The following ZNF620 variants were observed in gnomAD, a reference collection of about 807,000 sequenced individuals.
The protein encoded by ZNF620 is zinc finger protein 620.
ZNF620 carries 10 observed loss-of-function variants against 13.3 expected under a neutral mutation model. That is an observed-to-expected ratio of 0.75 (90% CI 0.46 to 1.28). The LOEUF is 1.28. ZNF620 is among the 50% of genes most tolerant of loss of function. The pLI is 0.00. For synonymous variants in ZNF620, 166 were observed against 177.6 expected, an observed-to-expected ratio of 0.93 and a Z score of 0.52; for missense variants, 461 against 500.2, an observed-to-expected ratio of 0.92 and a Z score of 0.75.
intron 3 of ZNF620, among the ~76,000 whole-genome samples, chr3:40,511,924 C>G (rs1698214438): frequency 6.6e-6 from 1 of 152,136 alleles, no homozygotes; most frequent in Non-Finnish European, 1.5e-5. Context: ...TCAAGCGATC[C>G]TCCTGCCTCA....
At chr3:40,510,597 G>A (rs975101031) in intron 2 of ZNF620, among the ~76,000 whole-genome samples, 1 of 152,176 alleles carries the variant, frequency 6.6e-6, no homozygotes, top group Middle Eastern at 3.2e-3. Flanking sequence ...CTCATCCTTA[G>A]TTCTGTGGTG....
chr3:40,514,717 A>G (rs1698318582), intron 4 of ZNF620, among the ~76,000 whole-genome samples: 1 of 152,176 alleles, frequency 6.6e-6, no homozygotes, highest in Non-Finnish European at 1.5e-5. Flanking sequence ...GGTTGCAGTG[A>G]GCCAAGATTG....
rs375417538 is a variant in ZNF620, at chr3:40,516,527, C to A, written c.933C>A (p.Asn311Lys). The A allele has an allele frequency of 1.9e-6, 3 of 1,613,690 alleles. No homozygotes were observed. Among genetic ancestry groups the A allele is most frequent in the Non-Finnish European group, 2.5e-6 (3 of 1,179,948 alleles). ...CTGGGGAGAAGCTCTATGAATGTAA[C>A]GAATGTTGGAAAACTTTCAGTTGCA... ...FHTGEKLYEC[N>K]ECWKTFSCSS... is the part of the protein sequence containing the mutation. Residue 311 changes from asparagine to lysine, a missense_variant, in exon 5 of 5, where the codon AAC becomes AAA. By Grantham distance (94) the Asn-to-Lys change is moderately conservative (BLOSUM62 0). Coordinates refer to ENST00000314529, the MANE Select transcript of ZNF620 (RefSeq NM_175888.4).
intron 2 of ZNF620, among the ~76,000 whole-genome samples, chr3:40,507,020 G>C (rs1698043282): frequency 6.7e-6 from 1 of 149,800 alleles, no homozygotes; most frequent in Non-Finnish European, 1.5e-5. Context: ...ACTTTGGTGA[G>C]AGTTTTTATA....
Position 40,506,383 on chromosome 3 carries a change from G to A in ZNF620, c.24+7G>A. 1 of 1,613,634 alleles carries A rather than the reference G, an allele frequency of 6.2e-7. No individual in the cohort carries two copies. On this transcript the variant is annotated splice_region_variant and intron_variant, in intron 2 of 4. Transcript: ENST00000314529. ...CCAGACCGCTTGGCGCCAGGTGAGTGAGCATCCTCTCCCTCCCTCCCACCC... is the reference window on the plus strand; with the variant it reads ...CCAGACCGCTTGGCGCCAGGTGAGTAAGCATCCTCTCCCTCCCTCCCACCC...
chr3:40,511,576 A>G lies in ZNF620; in HGVS notation c.131A>G (p.Tyr44Cys). ...ALYREVMLEN[Y>C]ANVASLAFPF... ...TACAGGGAAGTGATGCTGGAGAATT[A>G]TGCAAATGTGGCTTCCCTGGGTAAG... Residue 44 changes from tyrosine to cysteine, a missense_variant, in exon 3 of 5, where the codon TAT becomes TGT. Physicochemically the swap from Tyr to Cys is radical, Grantham distance 194. Coordinates refer to ENST00000314529, the MANE Select transcript of ZNF620 (RefSeq NM_175888.4). The G allele has an allele frequency of 6.2e-7, 1 of 1,613,250 alleles. No homozygotes were observed. Among genetic ancestry groups the G allele is most frequent in the Non-Finnish European group, 8.5e-7 (1 of 1,179,634 alleles).
chr3:40,509,440 C>T (rs956914490), intron 2 of ZNF620, among the ~76,000 whole-genome samples: 3 of 152,188 alleles, frequency 2.0e-5, no homozygotes, highest in Admixed American at 6.6e-5. Context: ...TCATGTTGGC[C>T]AGGCTGGTCT....
intron 2 of ZNF620, among the ~76,000 whole-genome samples, chr3:40,507,921 G>A (rs568824089): frequency 2.6e-5 from 4 of 152,130 alleles, no homozygotes; most frequent in South Asian, 4.1e-4. Flanking sequence ...GCATCACTAC[G>A]CCCAGCTTAA....
In ZNF620 at chr3:40,515,936, G is replaced by A. The variant is rs1698364034; in HGVS notation, c.342G>A (p.Leu114=). The A allele has an allele frequency of 6.2e-7, 1 of 1,613,984 alleles. No individual in the cohort carries two copies. Among genetic ancestry groups the A allele is most frequent in the Non-Finnish European group, 8.5e-7 (1 of 1,180,026 alleles). The change falls in exon 5 of 5, where the codon CTG becomes CTA. Residue 114 remains leucine, a synonymous_variant. Transcript: ENST00000314529. ...HVSKETESFR[L]MVGGLPGNVS... is the part of the protein sequence containing the mutation. ...CCAAAGAAACAGAGTCCTTCAGACTGATGGTGGGGGGCCTGCCAGGGAATG... is the reference window on the plus strand; with the variant it reads ...CCAAAGAAACAGAGTCCTTCAGACTAATGGTGGGGGGCCTGCCAGGGAATG...
intron 2 of ZNF620, chr3:40,508,630 C>CT (rs770458358): frequency 0.052 from 16,974 of 323,686 alleles, no homozygotes; most frequent in South Asian, 0.09. Flanking sequence ...GCCACTGCAG[C>CT]TTTTTTTTTT....
rs367583735 is a variant in ZNF620 at position 40,512,562 on chromosome 3, C to T, written c.265+47C>T. ...CTGCCTTTTTGGCTTGGCTTGCTTTCTTGTTTTCACATTTCATTGTGCAAG... is the reference window on the plus strand; with the variant it reads ...CTGCCTTTTTGGCTTGGCTTGCTTTTTTGTTTTCACATTTCATTGTGCAAG... On this transcript the variant is annotated intron_variant, in intron 4 of 4. Transcript: ENST00000314529. 170 of 1,346,476 alleles carry T rather than the reference C, an allele frequency of 1.3e-4. 1 individual carries two copies. The East Asian group carries it at 3.2e-3, about 26-fold the overall frequency. 83.4% of individuals were successfully genotyped at this position (1,346,476 alleles called of 1,614,324 possible).
chr3:40,513,282 T>C (rs1487624309), intron 4 of ZNF620, among the ~76,000 whole-genome samples: 1 of 129,072 alleles, frequency 7.7e-6, no homozygotes, highest in African/African-American at 3.1e-5. Flanking sequence ...TTGGCCAACA[T>C]GACGAAACCC....
intron 4 of ZNF620, among the ~76,000 whole-genome samples, chr3:40,514,602 A>G (rs918286755): frequency 7.9e-5 from 12 of 152,056 alleles, no homozygotes; most frequent in African/African-American, 2.9e-4. Context: ...TGTCTCAAAA[A>G]AAACCCAAAA....
intron 3 of ZNF620, 124 bp downstream of exon 3, chr3:40,511,720 C>T (rs545539436): frequency 2.3e-5 from 30 of 1,303,992 alleles, no homozygotes; most frequent in African/African-American, 2.3e-4. Context: ...CTCCCTCTGT[C>T]GCCCAGGCTG....
chr3:40,515,885 A>T lies in ZNF620; in HGVS notation c.291A>T (p.Glu97Asp). 6.2e-7 allele frequency: 1 copy of T among 1,610,536 alleles called. No individual in the cohort carries two copies. ...CPGDEARTEK[E>D]GLTPKDHVSK... ...GGGATGAGGCCAGAACTGAGAAGGA[A>T]GGATTAACTCCAAAGGATCATGTGT... The change falls in exon 5 of 5, where the codon GAA becomes GAT. Residue 97 changes from glutamate (E) to aspartate (D), a missense_variant. Coordinates refer to ENST00000314529, the MANE Select transcript of ZNF620 (RefSeq NM_175888.4).
At chr3:40,511,696 T>C (rs1698204868) in intron 3 of ZNF620, 100 bp downstream of exon 3, 1 of 1,491,780 alleles carries the variant, frequency 6.7e-7, no homozygotes, top group East Asian at 2.4e-5. Context: ...TTCTTTTTTT[T>C]TTGAGACAAG....
chr3:40,508,919 T>TA, intron 2 of ZNF620: 1 of 361,632 alleles, frequency 2.8e-6, no homozygotes, highest in South Asian at 2.0e-5. Flanking sequence ...TGCCTGGCCT[T>TA]ACAGTTTTCT....
At chr3:40,510,949 CCT>C (rs1010297683) in intron 2 of ZNF620, among the ~76,000 whole-genome samples, 2 of 152,118 alleles carry the variant, frequency 1.3e-5, no homozygotes, top group African/African-American at 4.8e-5. Flanking sequence ...GGGATTTCAC[CCT>C]GTTGGCAACA....
chr3:40,509,160 C>T (rs897720027), intron 2 of ZNF620, among the ~76,000 whole-genome samples: 6 of 152,084 alleles, frequency 3.9e-5, no homozygotes, highest in Non-Finnish European at 8.8e-5. Flanking sequence ...GGCCTGTCAT[C>T]TTTCTACTTG....
Sources: gnomAD v4.1 joint callset for allele counts (sites outside exome capture counted in the v4.1 genomes callset) on GRCh38, gnomAD v4.1.1 for gene constraint, MANE v1.5 for transcripts, NCBI Gene and HGNC (gene_info 2026-07-23, HGNC 2026-07-21) for gene names.